The following CEP120 variants were observed in gnomAD, a reference collection of about 807,000 sequenced individuals.
The protein encoded by CEP120 is centrosomal protein of 120 kDa.
Under a neutral mutation model 126.5 loss-of-function variants are expected in CEP120, and 113 were observed. The ratio of observed to expected loss-of-function variants is 0.89; its 90% CI spans 0.77 to 1.04. CEP120 has a LOEUF of 1.04. Ranked by LOEUF, CEP120 falls within the 50% of genes least tolerant of loss-of-function variation. CEP120 has a pLI of 0.00. For missense variants in CEP120, 1,230 were observed against 1,155.7 expected (o/e 1.06, Z -0.93); for synonymous variants, 400 against 394.3 (o/e 1.01, Z -0.17).
At position 123,384,990 on chromosome 5, in the gene CEP120, T is replaced by C; in HGVS notation, c.1724A>G (p.Gln575Arg). The change falls in exon 11 of 20, where the codon CAA (glutamine) becomes CGA (arginine). Residue 575 changes from glutamine to arginine, a missense_variant. Transcript: ENST00000306467. ...LGSNGEQCWR[Q>R]TYSESVPVIA... ...AACAGGCACACTTTCACTGTAAGTT[T>C]GACGCCAACACTGTTCACCATTAGA... The C allele has an allele frequency of 6.2e-7, 1 of 1,612,116 alleles. No homozygotes were observed. Among genetic ancestry groups the C allele is most frequent in the Non-Finnish European group, 8.5e-7 (1 of 1,179,184 alleles).
intron 18 of CEP120, among the ~76,000 whole-genome samples, chr5:123,361,446 C>T (rs1433732162): frequency 6.6e-6 from 1 of 151,812 alleles, no homozygotes. Context: ...TAAGCACTTG[C>T]TGAATGAATG....
intron 18 of CEP120, among the ~76,000 whole-genome samples, chr5:123,359,548 T>C (rs933564720): frequency 1.3e-5 from 2 of 152,060 alleles, no homozygotes; most frequent in Non-Finnish European, 2.9e-5. Flanking sequence ...TTCTATAGTA[T>C]ATCTTGAAGA....
intron 18 of CEP120, among the ~76,000 whole-genome samples, chr5:123,363,767 C>T (rs762550704): frequency 2.0e-5 from 3 of 151,226 alleles, no homozygotes; most frequent in Non-Finnish European, 4.4e-5. Flanking sequence ...AAAATACAAA[C>T]CTGAAAGACC....
At chr5:123,411,818 G>A (rs1391622031) in intron 4 of CEP120, among the ~76,000 whole-genome samples, 1 of 152,172 alleles carries the variant, frequency 6.6e-6, no homozygotes, top group Non-Finnish European at 1.5e-5. Flanking sequence ...AACACCAAGA[G>A]AGAAACCTAA....
At chr5:123,401,836 C>T in intron 4 of CEP120, 1 of 1,481,448 alleles carries the variant, frequency 6.8e-7, no homozygotes, top group Non-Finnish European at 9.4e-7. Flanking sequence ...TCCACCAGCC[C>T]CTACATGTTG....
chr5:123,362,667 A>G (rs1442461713), intron 18 of CEP120, among the ~76,000 whole-genome samples: 1 of 151,732 alleles, frequency 6.6e-6, no homozygotes, highest in Admixed American at 6.6e-5. Flanking sequence ...TAACAGTATC[A>G]TCATAGTGAT....
At chr5:123,422,433 C>T in intron 1 of CEP120, 2 of 1,308,454 alleles carry the variant, frequency 1.5e-6, no homozygotes, top group East Asian at 2.5e-5. Context: ...CTCAATGAGT[C>T]CCAATAAACC....
chr5:123,406,204 G>T (rs536716846), intron 4 of CEP120, among the ~76,000 whole-genome samples: 1 of 150,122 alleles, frequency 6.7e-6, no homozygotes, highest in South Asian at 2.1e-4. Flanking sequence ...GAACAGAACA[G>T]AACATCTCAG....
At position 123,393,315 on chromosome 5, in the gene CEP120, A is replaced by C; in HGVS notation, c.795T>G (p.Leu265=). 1 of 1,614,166 alleles carries C rather than the reference A, an allele frequency of 6.2e-7. No individual in the cohort carries two copies. The highest frequency in any genetic ancestry group is 8.5e-7 in the Non-Finnish European group (1 of 1,180,002). The change falls in exon 6 of 20, where the codon CTT becomes CTG. Residue 265 remains leucine (L), a synonymous_variant. Coordinates refer to ENST00000306467, the MANE Select transcript of CEP120 (RefSeq NM_001375405.1). ...SVEILRVYLA[L]QSKLQIHLCC... Reference sequence around the variant, plus strand: ...CAATACTCACCTGCAGTTTAGACTGAAGAGCCAGGTAAACACGAAGAATTT... The same window carrying C: ...CAATACTCACCTGCAGTTTAGACTGCAGAGCCAGGTAAACACGAAGAATTT...
rs776114102 is a variant in CEP120, at chr5:123,389,977, T to G, written c.1202A>C (p.Glu401Ala). 26 of 1,614,214 alleles carry G rather than the reference T, an allele frequency of 1.6e-5. No individual in the cohort carries two copies. The South Asian group carries it at 2.7e-4, about 17-fold the overall frequency. The change falls in exon 8 of 20, where the codon GAA becomes GCA. Residue 401 changes from glutamate (E) to alanine (A), a missense_variant. Coordinates refer to ENST00000306467, the MANE Select transcript of CEP120 (RefSeq NM_001375405.1). The stretch of plus-strand genomic sequence containing the variant: ...ATACTGTAAACTTTCCACTTCACTT[T>G]CTGTTGCATCATCTTTTGTTGGAGG... ...QSPPTKDDAT[E>A]SEVESLQYDK...
chr5:123,387,230 G>A (rs1772093475), intron 9 of CEP120, among the ~76,000 whole-genome samples: 1 of 151,990 alleles, frequency 6.6e-6, no homozygotes, highest in African/African-American at 2.4e-5. Flanking sequence ...ATTTAATCCT[G>A]TATCTTGTTA....
Position 123,373,740 on chromosome 5 carries a change from A to G in CEP120, c.2359-968T>C, listed in dbSNP as rs113830057. 6.1e-3 allele frequency among the ~76,000 whole-genome samples: 928 copies of G among 152,150 alleles called. 7 individuals carry two copies. The highest frequency in any genetic ancestry group is 0.021 in the African/African-American group (864 of 41,536). ...GTTTTGAAGGGCTCCTCTGAGCCAC[A>G]TGGAAGATCCTCGGGTACCCCAATG... is the stretch of plus-strand genomic sequence containing the variant. On this transcript the variant is annotated intron_variant, in intron 16 of 19. Transcript: ENST00000306467.
At chr5:123,372,112 C>A (rs891134846) in intron 17 of CEP120, among the ~76,000 whole-genome samples, 5 of 152,048 alleles carry the variant, frequency 3.3e-5, no homozygotes, top group African/African-American at 1.2e-4. Context: ...ATTCCTTCTT[C>A]CTAGCTGAGA....
Position 123,386,577 on chromosome 5 carries a change from C to G in CEP120, c.1521G>C (p.Gln507His). ...VRKNMEVFLP[Q>H]SYCAFDFATM... is the part of the protein sequence containing the mutation. Reference sequence around the variant, plus strand: ...TTGCAAAATCAAATGCACAGTAAGACTGGGGAAGAAAAACTTCCATGTTTT... The same window carrying G: ...TTGCAAAATCAAATGCACAGTAAGAGTGGGGAAGAAAAACTTCCATGTTTT... Residue 507 changes from glutamine (Q) to histidine (H), a missense_variant, in exon 10 of 20, where the codon CAG becomes CAC. Physicochemically the swap from Gln to His is conservative, Grantham distance 24. Transcript: ENST00000306467. The G allele has an allele frequency of 6.3e-7, 1 of 1,588,972 alleles. No individual in the cohort carries two copies. Among genetic ancestry groups the G allele is most frequent in the Non-Finnish European group, 8.6e-7 (1 of 1,169,494 alleles).
chr5:123,358,063 C>T (rs1217830492), intron 18 of CEP120, among the ~76,000 whole-genome samples: 1 of 152,110 alleles, frequency 6.6e-6, no homozygotes, highest in Non-Finnish European at 1.5e-5. Context: ...GGTACTAACA[C>T]ATTCAGTGTT....
At chr5:123,366,509 C>T (rs1184279530) in intron 17 of CEP120, among the ~76,000 whole-genome samples, 2 of 151,888 alleles carry the variant, frequency 1.3e-5, no homozygotes, top group Non-Finnish European at 2.9e-5. Flanking sequence ...GATACACCTA[C>T]AATTCTAGTT....
intron 4 of CEP120, among the ~76,000 whole-genome samples, chr5:123,409,971 C>CAAAAAAAAAAAAAA (rs1353891467): frequency 1.5e-5 from 1 of 67,592 alleles, no homozygotes; most frequent in Non-Finnish European, 2.5e-5. Context: ...ACAAAACAAG[C>CAAAAAAAAAAAAAA]AAAAAAAAAA....
intron 2 of CEP120, among the ~76,000 whole-genome samples, chr5:123,417,869 T>C (rs970758944): frequency 1.3e-5 from 2 of 152,228 alleles, no homozygotes; most frequent in East Asian, 1.9e-4. Flanking sequence ...ATCTATAATA[T>C]GGGCGAAATA....
At chr5:123,385,297 A>T (rs1166885965) in intron 10 of CEP120, among the ~76,000 whole-genome samples, 164 bp from the exon 11 acceptor site, 1 of 152,232 alleles carries the variant, frequency 6.6e-6, no homozygotes, top group African/African-American at 2.4e-5. Flanking sequence ...ACAGGCACCA[A>T]ATATGAAATG....
Sources: gnomAD v4.1 joint callset for allele counts (sites outside exome capture counted in the v4.1 genomes callset) on GRCh38, gnomAD v4.1.1 for gene constraint, MANE v1.5 for transcripts, NCBI Gene and HGNC (gene_info 2026-07-23, HGNC 2026-07-21) for gene names.